Variants in SGCZ observed in about 807,000 individuals in gnomAD.
SGCZ encodes zeta-sarcoglycan.
SGCZ carries 40 observed loss-of-function variants against 41.3 expected under a neutral mutation model. That is an observed-to-expected ratio of 0.97 (90% CI 0.75 to 1.26). The LOEUF (loss-of-function observed/expected upper bound fraction) is 1.26, where lower values mean the gene tolerates loss of function less well. SGCZ is among the 50% of genes most tolerant of loss of function. The pLI is 0.00. For missense variants in SGCZ, 552 were observed against 369.8 expected, an observed-to-expected ratio of 1.49 and a Z score of -4.04; for synonymous variants, 206 against 137.5, an observed-to-expected ratio of 1.50 and a Z score of -3.49.
At chr8:15,089,135 A>G (rs1206442777) in intron 1 of SGCZ, among the ~76,000 whole-genome samples, 1 of 152,190 alleles carries the variant, frequency 6.6e-6, no homozygotes, top group Non-Finnish European at 1.5e-5. Flanking sequence ...TATATTATAA[A>G]TGCCTAATCT....
intron 2 of SGCZ, among the ~76,000 whole-genome samples, chr8:14,420,395 C>T (rs139572391): frequency 3.9e-5 from 6 of 152,062 alleles, no homozygotes; most frequent in Non-Finnish European, 7.4e-5. Flanking sequence ...GTGCTGACGT[C>T]TCAACTCTTA....
At chr8:14,108,086 C>G in intron 6 of SGCZ, 77 bp downstream of exon 6, 1 of 1,201,808 alleles carries the variant, frequency 8.3e-7, no homozygotes, top group Non-Finnish European at 1.2e-6. Context: ...GTCTAGTTGT[C>G]TATTTTAGTT....
intron 1 of SGCZ, among the ~76,000 whole-genome samples, chr8:15,057,677 T>C (rs957682503): frequency 2.0e-5 from 3 of 152,192 alleles, no homozygotes; most frequent in East Asian, 1.9e-4. Context: ...CAATGTGGCA[T>C]AGTGAAATGT....
intron 1 of SGCZ, among the ~76,000 whole-genome samples, chr8:15,119,980 G>GTGT (rs140698449): frequency 0.18 from 26,740 of 151,896 alleles, 2,458 homozygotes; most frequent in Non-Finnish European, 0.22. Context: ...CGGTTTTTTG[G>GTGT]TGTTGCTTTT....
intron 1 of SGCZ, among the ~76,000 whole-genome samples, chr8:14,824,095 G>A (rs917619460): frequency 2.6e-5 from 4 of 152,086 alleles, no homozygotes; most frequent in South Asian, 4.1e-4. Flanking sequence ...GACTAGGGAA[G>A]CAAAAGAGGA....
At position 15,052,832 on chromosome 8, in the gene SGCZ, G is replaced by A. The variant is rs920776746; in HGVS notation, c.39+184753C>T. ...TCCAAGATATTTGATTTCAGAACAC[G>A]TTGAAGGATAATGGCTTCCACTGAA... is the stretch of plus-strand genomic sequence containing the variant. On this transcript the variant is annotated intron_variant, in intron 1 of 7. Transcript: ENST00000382080. Among the ~76,000 whole-genome samples the A allele has an allele frequency of 2.5e-4, 38 of 152,042 alleles. 1 individual carries two copies. The highest frequency in any genetic ancestry group is 6.6e-4 in the Admixed American group (10 of 15,256).
chr8:14,683,423 A>C (rs1808510067), intron 1 of SGCZ, among the ~76,000 whole-genome samples: 2 of 152,142 alleles, frequency 1.3e-5, no homozygotes, highest in Non-Finnish European at 2.9e-5. Context: ...AAAAACTAAA[A>C]ATTAGAATAT....
At chr8:15,102,938 T>C (rs535539937) in intron 1 of SGCZ, among the ~76,000 whole-genome samples, 9 of 152,312 alleles carry the variant, frequency 5.9e-5, no homozygotes, top group Non-Finnish European at 7.3e-5. Flanking sequence ...ATAAATCATA[T>C]TCCTTACACT....
At chr8:14,874,684 G>A (rs1804282222) in intron 1 of SGCZ, among the ~76,000 whole-genome samples, 1 of 151,972 alleles carries the variant, frequency 6.6e-6, no homozygotes, top group African/African-American at 2.4e-5. Flanking sequence ...TGGATCAAGT[G>A]ATGTGCTATC....
intron 1 of SGCZ, among the ~76,000 whole-genome samples, chr8:14,972,813 T>A (rs1801345848): frequency 6.6e-6 from 1 of 152,184 alleles, no homozygotes; most frequent in African/African-American, 2.4e-5. Context: ...GCTATTGTAG[T>A]CATACAAATT....
At chr8:14,349,143 G>C (rs777158481) in intron 2 of SGCZ, among the ~76,000 whole-genome samples, 7 of 152,058 alleles carry the variant, frequency 4.6e-5, no homozygotes, top group Non-Finnish European at 8.8e-5. Context: ...TTCGTATGTT[G>C]TCAGTAATAG....
chr8:14,209,253 G>T (rs552150455), intron 4 of SGCZ, among the ~76,000 whole-genome samples: 1 of 152,154 alleles, frequency 6.6e-6, no homozygotes, highest in Non-Finnish European at 1.5e-5. Flanking sequence ...CTTCAAACCT[G>T]CCTATAAAAT....
intron 4 of SGCZ, among the ~76,000 whole-genome samples, chr8:14,171,162 A>G (rs1165182468): frequency 1.3e-5 from 2 of 151,414 alleles, no homozygotes; most frequent in Non-Finnish European, 3.0e-5. Context: ...AAAAAAAAAA[A>G]AAAAACTAAC....
chr8:15,145,714 C>T (rs1361463311), intron 1 of SGCZ, among the ~76,000 whole-genome samples: 1 of 152,188 alleles, frequency 6.6e-6, no homozygotes, highest in Non-Finnish European at 1.5e-5. Flanking sequence ...CTCAGGCTCC[C>T]AAAGTGCTGG....
At chr8:14,695,284 T>C (rs1333012554) in intron 1 of SGCZ, among the ~76,000 whole-genome samples, 1 of 152,096 alleles carries the variant, frequency 6.6e-6, no homozygotes, top group Non-Finnish European at 1.5e-5. Context: ...AGGAAAAACC[T>C]ATAACCATAA....
At chr8:14,818,555 G>C (rs150609073) in intron 1 of SGCZ, among the ~76,000 whole-genome samples, 19 of 152,148 alleles carry the variant, frequency 1.2e-4, no homozygotes, top group Middle Eastern at 3.4e-3. Context: ...CTTCAAAGGA[G>C]TACAATAAGT....
chr8:14,613,431 A>G (rs1805993862), intron 1 of SGCZ, among the ~76,000 whole-genome samples: 1 of 152,226 alleles, frequency 6.6e-6, no homozygotes, highest in Non-Finnish European at 1.5e-5. Context: ...GATAAAATCT[A>G]TAAATCATGC....
intron 1 of SGCZ, among the ~76,000 whole-genome samples, chr8:14,770,001 T>C (rs1800183397): frequency 6.6e-6 from 1 of 151,780 alleles, no homozygotes; most frequent in African/African-American, 2.4e-5. Flanking sequence ...TTCCTGAATA[T>C]ACCATGCTCC....
At chr8:14,383,517 A>G (rs146975082) in intron 2 of SGCZ, among the ~76,000 whole-genome samples, 2 of 152,346 alleles carry the variant, frequency 1.3e-5, no homozygotes, top group East Asian at 3.9e-4. Context: ...TAGTAAAAAG[A>G]CATGTAGCCT....
Sources: allele counts gnomAD v4.1 joint callset (sites outside exome capture counted in the v4.1 genomes callset), GRCh38; gene constraint gnomAD v4.1.1; transcripts MANE v1.5; gene names NCBI Gene and HGNC (gene_info 2026-07-23, HGNC 2026-07-21).